Variants in BTNL8 observed in about 807,000 individuals in gnomAD.
BTNL8 encodes butyrophilin like 8.
A neutral mutation model predicts 36.1 loss-of-function variants in BTNL8; 22 were observed. That is an observed-to-expected ratio of 0.61 (90% CI 0.44 to 0.87). The LOEUF (loss-of-function observed/expected upper bound fraction) is 0.87. BTNL8 is among the 40% of genes least tolerant of loss of function. The pLI, the probability that BTNL8 is intolerant of heterozygous loss-of-function variation, is 0.00. For synonymous variants in BTNL8, 203 were observed against 235.6 expected (o/e 0.86, Z 1.27); for missense variants, 526 against 616.9 (o/e 0.85, Z 1.56).
intron 3 of BTNL8, among the ~76,000 whole-genome samples, chr5:180,934,119 G>T (rs1288200716): frequency 1.3e-5 from 2 of 152,098 alleles, no homozygotes; most frequent in Non-Finnish European, 1.5e-5. Context: ...TTAACCCTAG[G>T]ATGCAAGGAT....
chr5:180,922,881 G>C (rs1757932975), intron 3 of BTNL8, among the ~76,000 whole-genome samples: 1 of 152,026 alleles, frequency 6.6e-6, no homozygotes, highest in Non-Finnish European at 1.5e-5. Context: ...CTTTTGTGTT[G>C]GGTGCATATA....
In BTNL8 at chr5:180,908,658, T is replaced by C. The variant is rs1199566039; in HGVS notation, c.122T>C (p.Phe41Ser). Residue 41 changes from phenylalanine to serine, a missense_variant, in exon 2 of 8, where the codon TTC becomes TCC. Physicochemically the swap from Phe to Ser is radical, Grantham distance 155. Around this residue, in one of 2 missense-constraint regions of BTNL8, gnomAD observed 350 missense variants for 324.6 expected, o/e 1.08. Transcript: ENST00000340184. ...LVGEDAAFSC[F>S]LSPKTNAEAM... Reference sequence around the variant, plus strand: ...GGGGAGGACGCAGCATTCTCCTGTTTCCTGTCTCCTAAGACCAATGCAGAG... The same window carrying C: ...GGGGAGGACGCAGCATTCTCCTGTTCCCTGTCTCCTAAGACCAATGCAGAG... 6.2e-7 allele frequency: 1 copy of C among 1,614,216 alleles called. No homozygotes were observed. The highest frequency in any genetic ancestry group is 1.7e-5 in the Admixed American group (1 of 60,022).
intron 5 of BTNL8, 30 bp downstream of exon 5, chr5:180,948,405 A>T (rs777902296): frequency 6.6e-7 from 1 of 1,523,424 alleles, no homozygotes; most frequent in East Asian, 2.4e-5. Context: ...TGAGCCTCCC[A>T]CACATGGTTC....
At position 180,935,783 on chromosome 5, in the gene BTNL8, C is replaced by T. The variant is rs563781020; in HGVS notation, c.674-11729C>T. Among the ~76,000 whole-genome samples, 85 of 152,220 alleles carry T rather than the reference C, an allele frequency of 5.6e-4. No homozygotes were observed. The highest frequency in any genetic ancestry group is 6.2e-4 in the South Asian group (3 of 4,822). On this transcript the variant is annotated intron_variant, in intron 3 of 7. Transcript: ENST00000340184. This position sits in a 1 kb window ranked among gnomAD's most constrained non-coding sequence, Gnocchi z 4.8. ...GGAGCACATGGCCCCAGCCACACCT[C>T]CCCTGCTGCAGCCAGCATCTTCACA...
At position 180,949,891 on chromosome 5, in the gene BTNL8, C is replaced by G. The variant is rs1287281388; in HGVS notation, c.863-13C>G. The stretch of plus-strand genomic sequence containing the variant: ...AGTAACTCATGCTTCCTCTCTCCCC[C>G]ACCGCACCCCAGTGGAGGTGACTCT... On this transcript the variant is annotated splice_polypyrimidine_tract_variant and intron_variant, in intron 7 of 7. Transcript: ENST00000340184. 2.1e-6 allele frequency: 3 copies of G among 1,446,866 alleles called. 1 individual carries two copies. The allele number at this position is 1,446,866 out of a possible 1,614,324, so 89.6% of individuals were successfully genotyped here.
intron 1 of BTNL8, among the ~76,000 whole-genome samples, chr5:180,901,860 A>C (rs1756834071): frequency 6.6e-6 from 1 of 152,240 alleles, no homozygotes; most frequent in Non-Finnish European, 1.5e-5. Flanking sequence ...TGGAAAATAT[A>C]AGTCACACGT....
Position 180,908,712 on chromosome 5 carries a change from A to T in BTNL8, c.176A>T (p.Gln59Leu), listed in dbSNP as rs574319342. The T allele has an allele frequency of 3.7e-6, 6 of 1,614,212 alleles. No homozygotes were observed. The African/African-American group carries it at 6.7e-5, about 18-fold the overall frequency. The change falls in exon 2 of 8, where the codon CAG becomes CTG. Residue 59 changes from glutamine (Q) to leucine (L), a missense_variant. By Grantham distance (113) the Gln-to-Leu change is moderately radical. Transcript: ENST00000340184. The stretch of plus-strand genomic sequence containing the variant: ...ATGGAAGTGCGGTTCTTCAGGGGCC[A>T]GTTCTCTAGCGTGGTCCACCTCTAC... ...EAMEVRFFRG[Q>L]FSSVVHLYRD... is the part of the protein sequence containing the mutation.
chr5:180,933,323 A>G (rs887058628), intron 3 of BTNL8, among the ~76,000 whole-genome samples: 1 of 152,216 alleles, frequency 6.6e-6, no homozygotes, highest in Non-Finnish European at 1.5e-5. Flanking sequence ...ATAGCCATAT[A>G]CAGAATATTC....
chr5:180,930,488 G>T (rs1341070131), intron 3 of BTNL8, among the ~76,000 whole-genome samples: 2 of 152,088 alleles, frequency 1.3e-5, no homozygotes, highest in African/African-American at 2.4e-5. Context: ...AGAAATAAAG[G>T]GTATTCAAAT....
In BTNL8 at chr5:180,947,556, C is replaced by G. The variant is rs775606854; in HGVS notation, c.718C>G (p.Leu240Val). The G allele has an allele frequency of 6.2e-7, 1 of 1,613,974 alleles. No homozygotes were observed. Among genetic ancestry groups the G allele is most frequent in the Non-Finnish European group, 8.5e-7 (1 of 1,179,856 alleles). ...PISWHLATKVLGILCCGLFFG... is the reference protein window; with the variant it reads ...PISWHLATKVVGILCCGLFFG... The stretch of plus-strand genomic sequence containing the variant: ...ATCGTGGCACCTGGCTACCAAAGTA[C>G]TGGGAATACTCTGCTGTGGCCTATT... Residue 240 changes from leucine to valine, a missense_variant, in exon 4 of 8, where the codon CTG becomes GTG. Coordinates refer to ENST00000340184, the MANE Select transcript of BTNL8 (RefSeq NM_001040462.3).
Position 180,911,362 on chromosome 5 carries a change from T to G in BTNL8, c.421T>G (p.Ser141Ala), listed in dbSNP as rs1357567568. The G allele has an allele frequency of 6.2e-7, 1 of 1,614,068 alleles. No individual in the cohort carries two copies. Among genetic ancestry groups the G allele is most frequent in the Non-Finnish European group, 8.5e-7 (1 of 1,180,038 alleles). The change falls in exon 3 of 8, where the codon TCC (serine) becomes GCC (alanine). Residue 141 changes from serine to alanine, a missense_variant. Transcript: ENST00000340184. ...VSALGSVPLI[S>A]ITGYVDRDIQ... Reference sequence around the variant, plus strand: ...AGCACTGGGCTCAGTTCCTCTCATTTCCATCACGGGATATGTTGATAGAGA... The same window carrying G: ...AGCACTGGGCTCAGTTCCTCTCATTGCCATCACGGGATATGTTGATAGAGA...
chr5:180,909,636 T>C (rs1179777438), intron 2 of BTNL8: 2 of 953,954 alleles, frequency 2.1e-6, no homozygotes, highest in East Asian at 2.3e-4. Flanking sequence ...TCCCAACACC[T>C]TGAGAGGCTG....
intron 3 of BTNL8, among the ~76,000 whole-genome samples, chr5:180,912,498 A>G (rs922327033): frequency 7.2e-5 from 11 of 152,028 alleles, no homozygotes; most frequent in African/African-American, 2.4e-4. Flanking sequence ...TCTCACTAAT[A>G]CAGATTTGGT....
chr5:180,914,797 C>T (rs1336786328), intron 3 of BTNL8, among the ~76,000 whole-genome samples: 1 of 152,210 alleles, frequency 6.6e-6, no homozygotes, highest in Non-Finnish European at 1.5e-5. Context: ...TAGGAAGCCA[C>T]TTGAGAGGTT....
At chr5:180,924,971 T>C (rs1582036682) in intron 3 of BTNL8, among the ~76,000 whole-genome samples, 1 of 152,140 alleles carries the variant, frequency 6.6e-6, no homozygotes, top group South Asian at 2.1e-4. Flanking sequence ...AACAATAAAA[T>C]AGTTAAAATC....
At chr5:180,921,456 G>A (rs1757855054) in intron 3 of BTNL8, among the ~76,000 whole-genome samples, 1 of 151,990 alleles carries the variant, frequency 6.6e-6, no homozygotes. Flanking sequence ...ATCAGTCATA[G>A]AATCATAGAG....
At chr5:180,945,248 C>T (rs753010299) in intron 3 of BTNL8, among the ~76,000 whole-genome samples, 70 of 152,270 alleles carry the variant, frequency 4.6e-4, no homozygotes, top group Non-Finnish European at 8.1e-4. Context: ...GATATTGAAA[C>T]AAGTGGATAT....
At chr5:180,908,474 C>G in intron 1 of BTNL8, 112 bp from the exon 2 acceptor site, 1 of 993,268 alleles carries the variant, frequency 1.0e-6, no homozygotes, top group South Asian at 1.6e-5. Flanking sequence ...CCATGTTCTG[C>G]GTCGCTCACT....
At chr5:180,927,546 C>T (rs1284839814) in intron 3 of BTNL8, among the ~76,000 whole-genome samples, 1 of 152,084 alleles carries the variant, frequency 6.6e-6, no homozygotes, top group East Asian at 1.9e-4. Context: ...GCTAAAGGAG[C>T]ATGTTCTAAC....
Sources: allele counts gnomAD v4.1 joint callset (sites outside exome capture counted in the v4.1 genomes callset), GRCh38; gene constraint gnomAD v4.1.1; regional missense constraint gnomAD v4.1.1; non-coding constraint Gnocchi (gnomAD v3.1); transcripts MANE v1.5; gene names NCBI Gene and HGNC (gene_info 2026-07-23, HGNC 2026-07-21).